Variants in UQCC4 observed in about 807,000 individuals in gnomAD.
UQCC4 encodes the protein ubiquinol-cytochrome c reductase complex assembly factor 4, also known as cattle cerebrum and skeletal muscle-specific protein 1 family member.
At chr16:1,420,161 A>G in the UQCC4 span, 1 of 1,614,016 alleles carries the variant, frequency 6.2e-7, no homozygotes, top group Non-Finnish European at 8.5e-7. Context: ...ACGCACGCAT[A>G]GCCAGGACAG....
At chr16:1,420,617 A>AAG in the UQCC4 span, 1 of 1,564,120 alleles carries the variant, frequency 6.4e-7, no homozygotes, top group Non-Finnish European at 8.7e-7. Context: ...ACGGCCCTGG[A>AAG]AGAGAGAGAG....
the UQCC4 span, chr16:1,420,525 G>C: frequency 6.2e-7 from 1 of 1,614,144 alleles, no homozygotes; most frequent in Non-Finnish European, 8.5e-7. Context: ...CCTCTTCCTC[G>C]GCGGCAGGGT....
the UQCC4 span, chr16:1,420,732 T>C: frequency 6.5e-7 from 1 of 1,537,794 alleles, no homozygotes; most frequent in African/African-American, 1.4e-5. Context: ...ATTGCTGCCT[T>C]GACTCCTCGA....
chr16:1,420,556 G>A, the UQCC4 span: 42 of 1,612,474 alleles, frequency 2.6e-5, no homozygotes, highest in Middle Eastern at 1.6e-4. Flanking sequence ...CCGGGAACCG[G>A]GCAACGGATG....
At chr16:1,420,268 G>A in the UQCC4 span, 1 of 1,613,732 alleles carries the variant, frequency 6.2e-7, no homozygotes, top group Admixed American at 1.7e-5. Flanking sequence ...TCTGTAGGCA[G>A]CTGGAGTCTC....
chr16:1,419,907 AT>A, the UQCC4 span: 2 of 1,437,326 alleles, frequency 1.4e-6, no homozygotes, highest in Non-Finnish European at 9.4e-7. Context: ...CTAACACTGG[AT>A]GACAAGTGTC....
the UQCC4 span, chr16:1,420,743 C>A: frequency 6.5e-7 from 1 of 1,536,270 alleles, no homozygotes; most frequent in Non-Finnish European, 8.7e-7. Context: ...GACTCCTCGA[C>A]TGACGCCTTG....
chr16:1,420,282 C>T, the UQCC4 span: 1 of 1,614,034 alleles, frequency 6.2e-7, no homozygotes, highest in Non-Finnish European at 8.5e-7. Context: ...GAGTCTCAGG[C>T]TCCTCAGAAC....
At chr16:1,420,441 C>T in the UQCC4 span, 1 of 1,614,258 alleles carries the variant, frequency 6.2e-7, no homozygotes, top group Middle Eastern at 1.6e-4. Context: ...GTCCCTTTCC[C>T]ATGGTATGGC....
At chr16:1,419,976 C>T in the UQCC4 span, 1 of 1,581,366 alleles carries the variant, frequency 6.3e-7, no homozygotes, top group Non-Finnish European at 8.6e-7. Context: ...AATCCAACAG[C>T]ATACAGTGCA....
At chr16:1,420,691 C>T in the UQCC4 span, 5 of 1,545,844 alleles carry the variant, frequency 3.2e-6, no homozygotes, top group African/African-American at 6.8e-5. Flanking sequence ...GAGGAGCTCA[C>T]CCGGCCGCCG....
At chr16:1,420,701 G>C in the UQCC4 span, 1 of 1,543,722 alleles carries the variant, frequency 6.5e-7, no homozygotes. Context: ...CCCGGCCGCC[G>C]GGGCACACAA....
the UQCC4 span, chr16:1,419,980 C>T: frequency 1.1e-5 from 17 of 1,585,780 alleles, no homozygotes; most frequent in Non-Finnish European, 1.5e-5. Context: ...CAACAGCATA[C>T]AGTGCAACTG....
At chr16:1,420,515 C>T in the UQCC4 span, 1 of 1,614,114 alleles carries the variant, frequency 6.2e-7, no homozygotes, top group Admixed American at 1.7e-5. Flanking sequence ...TCAGGGTCGT[C>T]CTCTTCCTCG....
the UQCC4 span, chr16:1,420,723 T>A: frequency 1.3e-6 from 2 of 1,539,324 alleles, no homozygotes; most frequent in East Asian, 2.4e-5. Flanking sequence ...ACACGATTCA[T>A]TGCTGCCTTG....
chr16:1,420,447 A>G, the UQCC4 span: 6 of 1,614,230 alleles, frequency 3.7e-6, no homozygotes, highest in Admixed American at 5.0e-5. Flanking sequence ...TTCCCATGGT[A>G]TGGCCCACCG....
the UQCC4 span, chr16:1,419,978 T>C: frequency 6.3e-7 from 1 of 1,583,632 alleles, no homozygotes; most frequent in Non-Finnish European, 8.6e-7. Flanking sequence ...TCCAACAGCA[T>C]ACAGTGCAAC....
chr16:1,420,019 T>C, the UQCC4 span: 1 of 1,607,604 alleles, frequency 6.2e-7, no homozygotes, highest in South Asian at 1.1e-5. Context: ...TGAGAAGTCT[T>C]GCCGATGGAA....
At chr16:1,420,119 C>T in the UQCC4 span, 1 of 1,613,420 alleles carries the variant, frequency 6.2e-7, no homozygotes, top group Non-Finnish European at 8.5e-7. Flanking sequence ...GCCAAGTGCC[C>T]CATCCACCAG....
Sources: allele counts gnomAD v4.1 joint callset, GRCh38; gene constraint gnomAD v4.1.1; transcripts MANE v1.5; gene names NCBI Gene and HGNC (gene_info 2026-07-23, HGNC 2026-07-21).